Variants in PLEKHH2 observed in about 807,000 individuals in gnomAD.
The protein encoded by PLEKHH2 is pleckstrin homology, MyTH4 and FERM domain containing H2.
Under a neutral mutation model 187.9 loss-of-function variants are expected in PLEKHH2, and 129 were observed. The observed-to-expected ratio is 0.69, with a 90% CI of 0.59 to 0.79. The LOEUF is 0.79. Among genes scored for constraint, PLEKHH2 ranks in the 30% least tolerant of loss-of-function variants. The pLI is 0.00. For missense variants in PLEKHH2, 2,076 were observed against 1,751.2 expected (o/e 1.19, Z -3.31); for synonymous variants, 686 against 605.6 (o/e 1.13, Z -1.95).
intron 3 of PLEKHH2, among the ~76,000 whole-genome samples, chr2:43,692,075 CT>C (rs1466563887): frequency 2.0e-5 from 3 of 151,882 alleles, no homozygotes; most frequent in Non-Finnish European, 2.9e-5. Flanking sequence ...GTATATGTTT[CT>C]TTTTCACCTA....
At chr2:43,731,818 A>G (rs1271731132) in intron 19 of PLEKHH2, among the ~76,000 whole-genome samples, 1 of 152,170 alleles carries the variant, frequency 6.6e-6, no homozygotes, top group Non-Finnish European at 1.5e-5. Context: ...TAAACTATTA[A>G]TGTGTATGGT....
At chr2:43,660,172 A>G (rs973256471) in intron 2 of PLEKHH2, among the ~76,000 whole-genome samples, 3 of 152,016 alleles carry the variant, frequency 2.0e-5, no homozygotes, top group African/African-American at 7.3e-5. Context: ...TCTATCGTTT[A>G]GAATGCTTTT....
intron 2 of PLEKHH2, 104 bp from the exon 3 acceptor site, chr2:43,678,759 G>GGTGGAGGTGC: frequency 7.4e-6 from 5 of 678,586 alleles, no homozygotes; most frequent in African/African-American, 1.8e-5. Flanking sequence ...GGTGGAGGTG[G>GGTGGAGGTGC]AGGTGGAGGT....
At chr2:43,757,900 C>T (rs561119905) in intron 26 of PLEKHH2, among the ~76,000 whole-genome samples, 1 of 151,524 alleles carries the variant, frequency 6.6e-6, no homozygotes, top group Admixed American at 6.6e-5. Flanking sequence ...GAAGTACATA[C>T]CAAAAAATTA....
chr2:43,722,133 G>A (rs1434694865), intron 16 of PLEKHH2, among the ~76,000 whole-genome samples: 2 of 151,028 alleles, frequency 1.3e-5, no homozygotes, highest in Non-Finnish European at 2.9e-5. Context: ...ATGCATGCTT[G>A]TAGTCCTGGC....
intron 3 of PLEKHH2, among the ~76,000 whole-genome samples, chr2:43,691,973 C>T (rs1668819406): frequency 6.6e-6 from 1 of 152,170 alleles, no homozygotes; most frequent in African/African-American, 2.4e-5. Flanking sequence ...AGTGTACTCT[C>T]CTACCTATAT....
intron 27 of PLEKHH2, 117 bp from the exon 28 acceptor site, chr2:43,762,187 A>G: frequency 2.6e-6 from 2 of 759,524 alleles, no homozygotes; most frequent in East Asian, 5.4e-5. Context: ...ATTTTTAATA[A>G]ATTTTTGTTG....
chr2:43,654,763 A>C (rs1227757289), intron 2 of PLEKHH2, among the ~76,000 whole-genome samples: 2 of 147,808 alleles, frequency 1.4e-5, no homozygotes, highest in African/African-American at 5.0e-5. Flanking sequence ...GTGGTGGCTC[A>C]CGCCTGTAAT....
chr2:43,757,472 T>C (rs961891474), intron 26 of PLEKHH2, among the ~76,000 whole-genome samples: 1 of 149,804 alleles, frequency 6.7e-6, no homozygotes, highest in African/African-American at 2.5e-5. Context: ...CAGGCTGGAG[T>C]GCAGTGGCCC....
intron 15 of PLEKHH2, 28 bp downstream of exon 15, chr2:43,712,411 C>G (rs1207231418): frequency 1.2e-6 from 2 of 1,604,040 alleles, no homozygotes; most frequent in Admixed American, 1.7e-5. Flanking sequence ...ATAGCAATGT[C>G]CCAGGCAGCT....
chr2:43,678,302 C>G lies in PLEKHH2; in HGVS notation c.124-561C>G, dbSNP rs555843885. On this transcript the variant is annotated intron_variant, in intron 2 of 29. Transcript: ENST00000282406. Reference sequence around the variant, plus strand: ...GCAGAGACGCTCCTCACTTCCCAGACGGGGTGGCGGCCGGGCAGAGGCTGC... The same window carrying G: ...GCAGAGACGCTCCTCACTTCCCAGAGGGGGTGGCGGCCGGGCAGAGGCTGC... Among the ~76,000 whole-genome samples, 588 of 151,998 alleles carry G rather than the reference C, an allele frequency of 3.9e-3. 3 individuals are homozygous for G. The highest frequency in any genetic ancestry group is 0.013 in the African/African-American group (553 of 41,440).
intron 11 of PLEKHH2, 101 bp from the exon 12 acceptor site, chr2:43,709,889 T>A: frequency 8.4e-7 from 1 of 1,196,556 alleles, no homozygotes; most frequent in Non-Finnish European, 1.2e-6. Context: ...TAGGGAGGCT[T>A]ATGATTTAGG....
At chr2:43,637,560 C>T (rs1243703775) in intron 1 of PLEKHH2, among the ~76,000 whole-genome samples, 181 bp downstream of exon 1, 1 of 152,228 alleles carries the variant, frequency 6.6e-6, no homozygotes, top group African/African-American at 2.4e-5. Context: ...GCTGCACCTC[C>T]CGCCACAGCC....
rs748379601 is a variant in PLEKHH2 at position 43,700,158 on chromosome 2, A to G, written c.1200A>G (p.Ser400=). The change falls in exon 8 of 30, where the codon TCA becomes TCG. Residue 400 remains serine, a synonymous_variant. Transcript: ENST00000282406. ...FQSQRLDYSS[S]SSEANTPSPI... ...CCCAGAGACTCGATTATTCATCTTC[A>G]TCGAGTGAAGCCAACACCCCAAGCC... 1.7e-5 allele frequency: 27 copies of G among 1,614,048 alleles called. No homozygotes were observed. The highest frequency in any genetic ancestry group is 4.0e-5 in the African/African-American group (3 of 74,910).
chr2:43,760,359 C>CTT (rs763777313), intron 27 of PLEKHH2, among the ~76,000 whole-genome samples: 2,507 of 118,916 alleles, frequency 0.021, 125 homozygotes, highest in African/African-American at 0.047. Context: ...ACCCTTTAAC[C>CTT]TTTTTTTTTT....
chr2:43,732,341 C>A (rs905402860), intron 19 of PLEKHH2, among the ~76,000 whole-genome samples: 6 of 151,484 alleles, frequency 4.0e-5, no homozygotes, highest in Non-Finnish European at 7.4e-5. Context: ...CCAGCCTGGG[C>A]AACAAGAGTG....
chr2:43,705,030 C>G (rs1007510556), intron 9 of PLEKHH2, among the ~76,000 whole-genome samples: 1 of 152,040 alleles, frequency 6.6e-6, no homozygotes, highest in Non-Finnish European at 1.5e-5. Context: ...CACATTTCCC[C>G]TTTCTTTATT....
chr2:43,679,623 A>G, intron 3 of PLEKHH2: 1 of 269,020 alleles, frequency 3.7e-6, no homozygotes, highest in Non-Finnish European at 7.3e-6. Context: ...AATCTCCTGA[A>G]TAACTGGGAT....
chr2:43,719,481 C>T (rs1383526256), intron 15 of PLEKHH2, among the ~76,000 whole-genome samples: 1 of 152,148 alleles, frequency 6.6e-6, no homozygotes, highest in Admixed American at 6.6e-5. Flanking sequence ...GCTCTGTCGC[C>T]CAGGCTGGAG....
Sources: gnomAD v4.1 joint callset for allele counts (sites outside exome capture counted in the v4.1 genomes callset) on GRCh38, gnomAD v4.1.1 for gene constraint, MANE v1.5 for transcripts, NCBI Gene and HGNC (gene_info 2026-07-23, HGNC 2026-07-21) for gene names.